ARHGAP22: variants seen among roughly 807,000 people sequenced by gnomAD.
The protein encoded by ARHGAP22 is Rho GTPase activating protein 22.
ARHGAP22 carries 48 observed loss-of-function variants against 59.1 expected under a neutral mutation model. That is an observed-to-expected ratio of 0.81 (90% CI 0.64 to 1.03). ARHGAP22 has a LOEUF of 1.03. Ranked by LOEUF, ARHGAP22 falls within the 50% of genes least tolerant of loss-of-function variation. ARHGAP22 has a pLI of 0.00. For synonymous variants in ARHGAP22, 445 were observed against 416.4 expected (o/e 1.07, Z -0.84); for missense variants, 1,015 against 958.7 (o/e 1.06, Z -0.78).
chr10:48,598,904 G>A (rs547469090), intron 1 of ARHGAP22, among the ~76,000 whole-genome samples: 2 of 152,214 alleles, frequency 1.3e-5, no homozygotes, highest in Non-Finnish European at 2.9e-5. Context: ...GTGAAGGCAC[G>A]CACTATATGT....
chr10:48,632,588 C>A (rs909906652), intron 1 of ARHGAP22, among the ~76,000 whole-genome samples: 3 of 152,094 alleles, frequency 2.0e-5, no homozygotes, highest in African/African-American at 7.2e-5. Flanking sequence ...ATGTGAGACA[C>A]CTAAGATGTG....
intron 3 of ARHGAP22, among the ~76,000 whole-genome samples, chr10:48,515,331 G>A (rs538572598): frequency 6.6e-6 from 1 of 152,202 alleles, no homozygotes. Context: ...AAATGTTACT[G>A]GATACAAAGA....
intron 3 of ARHGAP22, among the ~76,000 whole-genome samples, chr10:48,506,036 C>T (rs893495053): frequency 2.6e-5 from 4 of 152,224 alleles, no homozygotes; most frequent in South Asian, 2.1e-4. Flanking sequence ...TATCTCTCAC[C>T]GACGCTCCTT....
At chr10:48,529,177 G>T (rs1411802857) in intron 3 of ARHGAP22, among the ~76,000 whole-genome samples, 1 of 152,184 alleles carries the variant, frequency 6.6e-6, no homozygotes, top group South Asian at 2.1e-4. Context: ...GCGAGATAGG[G>T]ACTGGAAGGG....
intron 1 of ARHGAP22, among the ~76,000 whole-genome samples, chr10:48,626,479 G>A (rs2061453095): frequency 6.6e-6 from 1 of 152,182 alleles, no homozygotes; most frequent in Non-Finnish European, 1.5e-5. Context: ...GTGCTACATT[G>A]ATATTTGTTA....
chr10:48,507,082 C>T (rs116371790), intron 3 of ARHGAP22, among the ~76,000 whole-genome samples: 314 of 152,342 alleles, frequency 2.1e-3, no homozygotes, highest in African/African-American at 7.1e-3. Context: ...GACCTTGTTC[C>T]CAAGCACCAT....
chr10:48,648,488 C>G (rs2062408287), intron 1 of ARHGAP22, among the ~76,000 whole-genome samples: 1 of 152,180 alleles, frequency 6.6e-6, no homozygotes, highest in Non-Finnish European at 1.5e-5. Flanking sequence ...TCTCGGGCCT[C>G]TGGTCTGGCA....
At position 48,446,278 on chromosome 10, in the gene ARHGAP22, T is replaced by C; in HGVS notation, c.*113A>G. 1 of 1,132,032 alleles carries C rather than the reference T, an allele frequency of 8.8e-7. No homozygotes were observed. Among genetic ancestry groups the C allele is most frequent in the African/African-American group, 1.6e-5 (1 of 64,234 alleles). 70.1% of individuals were successfully genotyped at this position (1,132,032 alleles called of 1,614,324 possible). ...CCCCACAGAGGTATCAGGATCTCTC[T>C]CTCTCCAGCTGGCTCCAGAGCGCCT... is the stretch of plus-strand genomic sequence containing the variant. On this transcript the variant is annotated 3_prime_UTR_variant, in exon 10 of 10. Transcript: ENST00000249601.
At chr10:48,547,033 T>C (rs1257031628) in intron 3 of ARHGAP22, among the ~76,000 whole-genome samples, 1 of 152,056 alleles carries the variant, frequency 6.6e-6, no homozygotes, top group Non-Finnish European at 1.5e-5. Context: ...CACATCCAGC[T>C]CTCCCTGACT....
chr10:48,643,231 A>G (rs1367411950), intron 1 of ARHGAP22, among the ~76,000 whole-genome samples: 2 of 152,188 alleles, frequency 1.3e-5, no homozygotes, highest in Admixed American at 1.3e-4. Flanking sequence ...CAGCCATCCC[A>G]TTACTGGGTA....
chr10:48,474,283 T>A (rs888420422), intron 4 of ARHGAP22, among the ~76,000 whole-genome samples: 1 of 152,244 alleles, frequency 6.6e-6, no homozygotes, highest in African/African-American at 2.4e-5. Flanking sequence ...AAAATTGGTT[T>A]GTATATACTA....
intron 2 of ARHGAP22, among the ~76,000 whole-genome samples, chr10:48,568,982 A>G (rs1341853210): frequency 6.6e-6 from 1 of 152,000 alleles, no homozygotes; most frequent in East Asian, 1.9e-4. Context: ...CTAAGAGCAC[A>G]CTCTTGGAAG....
intron 3 of ARHGAP22, among the ~76,000 whole-genome samples, chr10:48,537,965 C>T (rs998768877): frequency 3.9e-5 from 6 of 152,190 alleles, no homozygotes; most frequent in Admixed American, 2.0e-4. Context: ...GGCCCTGCTG[C>T]GGAGGGCCAG....
chr10:48,467,110 G>T (rs1224601642), intron 4 of ARHGAP22, among the ~76,000 whole-genome samples: 1 of 152,224 alleles, frequency 6.6e-6, no homozygotes. Flanking sequence ...TTCCTGCCTG[G>T]GCATCCTAGT....
intron 1 of ARHGAP22, among the ~76,000 whole-genome samples, chr10:48,593,038 T>C (rs2059860306): frequency 6.6e-6 from 1 of 152,244 alleles, no homozygotes; most frequent in Non-Finnish European, 1.5e-5. Context: ...TCTCTTGTCC[T>C]GGCCGCACTG....
At chr10:48,613,194 A>G (rs1421801377) in intron 1 of ARHGAP22, among the ~76,000 whole-genome samples, 4 of 152,120 alleles carry the variant, frequency 2.6e-5, no homozygotes, top group African/African-American at 4.8e-5. Flanking sequence ...CTTGTGTGTC[A>G]CATGCTTCTT....
chr10:48,630,215 C>T (rs2061583810), intron 1 of ARHGAP22, among the ~76,000 whole-genome samples: 1 of 152,204 alleles, frequency 6.6e-6, no homozygotes, highest in African/African-American at 2.4e-5. Context: ...CCTCAGCCTC[C>T]TGACTAGCTG....
In ARHGAP22 at chr10:48,450,449, G is replaced by T; in HGVS notation, c.1680C>A (p.Asp560Glu). 6.4e-7 allele frequency: 1 copy of T among 1,553,918 alleles called. No homozygotes were observed. Among genetic ancestry groups the T allele is most frequent in the Non-Finnish European group, 8.7e-7 (1 of 1,148,898 alleles). Reference sequence around the variant, plus strand: ...TGTGGTCCAGGTCCAGGGACTTGGGGTCCTCGCTGCTGCTGGGGAGCGGGG... The same window carrying T: ...TGTGGTCCAGGTCCAGGGACTTGGGTTCCTCGCTGCTGCTGGGGAGCGGGG... ...EPSPLPSSSEDPKSLDLDHSM... is the reference protein window; with the variant it reads ...EPSPLPSSSEEPKSLDLDHSM... Residue 560 changes from aspartate (D) to glutamate (E), a missense_variant, in exon 9 of 10, where the codon GAC becomes GAA. By Grantham distance (45) the Asp-to-Glu change is conservative. Coordinates refer to ENST00000249601, the MANE Select transcript of ARHGAP22 (RefSeq NM_021226.4).
intron 4 of ARHGAP22, among the ~76,000 whole-genome samples, chr10:48,462,308 G>A (rs1006905735): frequency 2.0e-5 from 3 of 151,914 alleles, no homozygotes; most frequent in Admixed American, 6.6e-5. Flanking sequence ...GTGTTGTGGT[G>A]CCAGGTGCTG....
Sources: gnomAD v4.1 joint callset for allele counts (sites outside exome capture counted in the v4.1 genomes callset) on GRCh38, gnomAD v4.1.1 for gene constraint, MANE v1.5 for transcripts, NCBI Gene and HGNC (gene_info 2026-07-23, HGNC 2026-07-21) for gene names.